SNX10: variants seen among roughly 807,000 people sequenced by gnomAD.
SNX10 encodes the protein sorting nexin 10, also known as sorting nexin-10.
In SNX10, 25 loss-of-function variants were observed where a neutral mutation model predicts 28.5. That is an observed-to-expected ratio of 0.88 (90% CI 0.64 to 1.22). The LOEUF is 1.22. Among genes scored for constraint, SNX10 ranks in the 50% most tolerant of loss-of-function variants. The probability of loss-of-function intolerance (pLI) is 0.00; values close to 1 mark genes in which losing one functional copy is unlikely to be tolerated. For missense variants in SNX10, 223 were observed against 242.6 expected, an observed-to-expected ratio of 0.92 and a Z score of 0.54; for synonymous variants, 62 against 81.4, an observed-to-expected ratio of 0.76 and a Z score of 1.28.
intron 1 of SNX10, among the ~76,000 whole-genome samples, chr7:26,340,892 T>C (rs977929651): frequency 4.6e-5 from 7 of 152,222 alleles, no homozygotes; most frequent in Admixed American, 3.3e-4. Context: ...GCCTCCTGAG[T>C]AGTTAGGAAT....
intron 5 of SNX10, among the ~76,000 whole-genome samples, chr7:26,366,020 G>A (rs1225280288): frequency 1.3e-5 from 2 of 152,152 alleles, no homozygotes; most frequent in Non-Finnish European, 2.9e-5. Context: ...TCTTCATGTT[G>A]GCTGTTATTA....
In SNX10 at chr7:26,305,568, G is replaced by A. The variant is rs77001388; in HGVS notation, c.-24+13482G>A. ...CTGGAATCTCACAGCAAACAACTTG[G>A]GGTCTCTTCATCAGCTTGTCTGCAG... On this transcript the variant is annotated intron_variant, in intron 1 of 6. Transcript: ENST00000338523. Among the ~76,000 whole-genome samples, 94 of 152,232 alleles carry A rather than the reference G, an allele frequency of 6.2e-4. 1 individual carries two copies. In the East Asian group the frequency reaches 0.018, roughly 29 times the overall value.
chr7:26,346,139 C>G (rs1049435181), intron 1 of SNX10, among the ~76,000 whole-genome samples: 2 of 152,170 alleles, frequency 1.3e-5, no homozygotes, highest in African/African-American at 4.8e-5. Context: ...CACTAAGGCT[C>G]CAGCCCCAGC....
intron 1 of SNX10, among the ~76,000 whole-genome samples, chr7:26,330,709 G>A (rs1225525575): frequency 6.6e-6 from 1 of 152,096 alleles, no homozygotes; most frequent in African/African-American, 2.4e-5. Context: ...GGGTGTTTTG[G>A]ACATGAGGGT....
chr7:26,362,265 TAAG>T (rs1306061431), intron 3 of SNX10, among the ~76,000 whole-genome samples: 1 of 152,222 alleles, frequency 6.6e-6, no homozygotes, highest in African/African-American at 2.4e-5. Context: ...TATGACTATA[TAAG>T]AATAAGCATT....
intron 2 of SNX10, among the ~76,000 whole-genome samples, chr7:26,359,311 T>TA (rs1387818049): frequency 2.6e-5 from 4 of 151,936 alleles, no homozygotes; most frequent in Admixed American, 1.3e-4. Flanking sequence ...TTTTTTTGAT[T>TA]AAAAAAAATC....
intron 2 of SNX10, among the ~76,000 whole-genome samples, chr7:26,351,888 C>T (rs1174049819): frequency 6.6e-6 from 1 of 151,834 alleles, no homozygotes; most frequent in African/African-American, 2.4e-5. Flanking sequence ...GATCTCCTGA[C>T]CTCGTGATCC....
intron 2 of SNX10, among the ~76,000 whole-genome samples, chr7:26,348,758 A>G (rs1788486939): frequency 6.6e-6 from 1 of 151,770 alleles, no homozygotes; most frequent in African/African-American, 2.4e-5. Flanking sequence ...CCCACCTACC[A>G]CTCCAGTGCA....
At position 26,326,475 on chromosome 7, in the gene SNX10, C is replaced by T. The variant is rs539977996; in HGVS notation, c.-23-19945C>T. 6.6e-5 allele frequency among the ~76,000 whole-genome samples: 10 copies of T among 152,286 alleles called. No homozygotes were observed. In the East Asian group the frequency reaches 1.9e-3, roughly 29 times the overall value. On this transcript the variant is annotated intron_variant, in intron 1 of 6. Coordinates refer to ENST00000338523, the MANE Select transcript of SNX10 (RefSeq NM_013322.3). ...CATCTTCTTGCCTCCCTACATGGAT[C>T]ATACTGTACTCTGCACCTGGAACCC...
At position 26,336,835 on chromosome 7, in the gene SNX10, C is replaced by T. The variant is rs114704576; in HGVS notation, c.-23-9585C>T. 3.4e-3 allele frequency among the ~76,000 whole-genome samples: 515 copies of T among 152,188 alleles called. 2 individuals are homozygous for T. Among genetic ancestry groups the T allele is most frequent in the African/African-American group, 0.012 (494 of 41,532 alleles). The stretch of plus-strand genomic sequence containing the variant: ...AACATAATTCATTTTTTTTCTACTC[C>T]GCTTATGGACGTTTAGGTTTCCATT... On this transcript the variant is annotated intron_variant, in intron 1 of 6. Coordinates refer to ENST00000338523, the MANE Select transcript of SNX10 (RefSeq NM_013322.3).
chr7:26,330,878 G>T lies in SNX10; in HGVS notation c.-23-15542G>T, dbSNP rs1366555986. 5.3e-5 allele frequency among the ~76,000 whole-genome samples: 8 copies of T among 152,070 alleles called. No individual in the cohort carries two copies. In the East Asian group the frequency reaches 1.5e-3, roughly 29 times the overall value. ...AAAAAAACAGAACTAAGCTGAGTGCGGTGGCTCACGCCTATAATCCCGATA... is the reference window on the plus strand; with the variant it reads ...AAAAAAACAGAACTAAGCTGAGTGCTGTGGCTCACGCCTATAATCCCGATA... On this transcript the variant is annotated intron_variant, in intron 1 of 6. Coordinates refer to ENST00000338523, the MANE Select transcript of SNX10 (RefSeq NM_013322.3).
Position 26,364,253 on chromosome 7 carries a change from G to T in SNX10, c.112-282G>T, listed in dbSNP as rs1789202501. ...TTTTTATGATTTATTCTTGAAAGCAGTGCTCATAGGTGAGTAGGAGGCTCC... is the reference window on the plus strand; with the variant it reads ...TTTTTATGATTTATTCTTGAAAGCATTGCTCATAGGTGAGTAGGAGGCTCC... On this transcript the variant is annotated intron_variant, in intron 3 of 6. Transcript: ENST00000338523. This position sits in a 1 kb window ranked among gnomAD's most constrained non-coding sequence, Gnocchi z 4.9. 3 of 824,136 alleles carry T rather than the reference G, an allele frequency of 3.6e-6. No individual in the cohort carries two copies. Among genetic ancestry groups the T allele is most frequent in the Non-Finnish European group, 4.6e-6 (3 of 651,654 alleles). The allele number at this position is 824,136 out of a possible 1,614,324, so 51.1% of individuals were successfully genotyped here. A position where few individuals can be genotyped will look rare whatever the true frequency, so the allele number is the denominator to read the frequency against.
At chr7:26,320,522 CCCGGGT>C (rs1406302771) in intron 1 of SNX10, among the ~76,000 whole-genome samples, 2 of 151,968 alleles carry the variant, frequency 1.3e-5, no homozygotes, top group Non-Finnish European at 2.9e-5. Context: ...ATCTCTGCTT[CCCGGGT>C]CCAAGTGATT....
At chr7:26,346,996 G>C (rs3757664) in intron 2 of SNX10, among the ~76,000 whole-genome samples, 55,566 of 152,106 alleles carry the variant, frequency 0.37, 10,559 homozygotes, top group South Asian at 0.6. Flanking sequence ...TGCCAGCCCC[G>C]GCTGAGTGTC....
intron 1 of SNX10, among the ~76,000 whole-genome samples, chr7:26,344,163 T>G (rs1411688478): frequency 1.3e-5 from 2 of 148,284 alleles, no homozygotes; most frequent in Admixed American, 6.8e-5. Context: ...CCATTCTACT[T>G]TCTGTCTCTG....
intron 2 of SNX10, among the ~76,000 whole-genome samples, chr7:26,355,713 C>G (rs1047566486): frequency 1.5e-4 from 23 of 152,112 alleles, no homozygotes; most frequent in African/African-American, 5.6e-4. Context: ...AAAAAACTTC[C>G]CCCTCCAAAA....
chr7:26,307,551 C>G (rs1786647160), intron 1 of SNX10, among the ~76,000 whole-genome samples: 1 of 152,146 alleles, frequency 6.6e-6, no homozygotes, highest in Non-Finnish European at 1.5e-5. Flanking sequence ...AGGCTCAAGC[C>G]ATCCTCCAAC....
chr7:26,355,569 A>G (rs1460135427), intron 2 of SNX10, among the ~76,000 whole-genome samples: 1 of 152,218 alleles, frequency 6.6e-6, no homozygotes, highest in Non-Finnish European at 1.5e-5. Flanking sequence ...AACATTTAAT[A>G]TGCACTTACT....
At chr7:26,327,450 C>G (rs1787547827) in intron 1 of SNX10, among the ~76,000 whole-genome samples, 1 of 152,186 alleles carries the variant, frequency 6.6e-6, no homozygotes, top group Non-Finnish European at 1.5e-5. Flanking sequence ...CTGGGCATGT[C>G]ATTTGTGATA....
Sources: gnomAD v4.1 joint callset for allele counts (sites outside exome capture counted in the v4.1 genomes callset) on GRCh38, gnomAD v4.1.1 for gene constraint, Gnocchi (gnomAD v3.1) non-coding constraint, MANE v1.5 for transcripts, NCBI Gene and HGNC (gene_info 2026-07-23, HGNC 2026-07-21) for gene names.